Variants in TLK2 observed in about 807,000 individuals in gnomAD.
The protein encoded by TLK2 is tousled like kinase 2, also known as serine/threonine-protein kinase tousled-like 2.
A neutral mutation model predicts 117.3 loss-of-function variants in TLK2; 6 were observed. The ratio of observed to expected loss-of-function variants is 0.05; its 90% confidence interval spans 0.03 to 0.10. The LOEUF is 0.10. Among genes scored for constraint, TLK2 ranks in the 10% least tolerant of loss-of-function variants. TLK2 has a pLI of 1.00. For missense variants in TLK2, 299 were observed against 901.2 expected (o/e 0.33, Z 8.56); for synonymous variants, 257 against 316.7 (o/e 0.81, Z 2.00).
At chr17:62,600,090 G>A (rs779635030) in intron 17 of TLK2, among the ~76,000 whole-genome samples, 2 of 152,212 alleles carry the variant, frequency 1.3e-5, no homozygotes, top group Non-Finnish European at 2.9e-5. Context: ...AGAAGACGTA[G>A]TATGCAGTCA....
chr17:62,496,590 A>G (rs2073710641), intron 2 of TLK2, among the ~76,000 whole-genome samples: 3 of 152,122 alleles, frequency 2.0e-5, no homozygotes, highest in African/African-American at 7.2e-5. Flanking sequence ...ATAGGTAAAT[A>G]TTTGTGTGTG....
At chr17:62,480,806 C>G (rs1367603610) in intron 1 of TLK2, among the ~76,000 whole-genome samples, 1 of 152,120 alleles carries the variant, frequency 6.6e-6, no homozygotes, top group Non-Finnish European at 1.5e-5. Flanking sequence ...TTGTTTTGTT[C>G]TTTCCCCTGT....
At chr17:62,578,437 T>A (rs749523780) in intron 13 of TLK2, 40 bp from the exon 14 acceptor site, 4 of 1,530,446 alleles carry the variant, frequency 2.6e-6, no homozygotes, top group Admixed American at 3.4e-5. Context: ...AAAGGTAAAG[T>A]TCCCCCTATT....
intron 12 of TLK2, among the ~76,000 whole-genome samples, chr17:62,575,581 T>G (rs1326965626): frequency 6.6e-6 from 1 of 152,218 alleles, no homozygotes; most frequent in Non-Finnish European, 1.5e-5. Context: ...ATTAAATATC[T>G]ATATGCTTCT....
chr17:62,598,424 C>G (rs2082635995), intron 17 of TLK2, among the ~76,000 whole-genome samples: 1 of 152,098 alleles, frequency 6.6e-6, no homozygotes, highest in Admixed American at 6.5e-5. Flanking sequence ...TGAATTTTCA[C>G]CAAAAATAAG....
chr17:62,612,159 C>T (rs1383114462), intron 21 of TLK2: 3 of 423,724 alleles, frequency 7.1e-6, no homozygotes, highest in Non-Finnish European at 8.3e-6. Context: ...TCAGTAATGG[C>T]TCAGCCCTTT....
At chr17:62,592,463 G>A (rs1018823979) in intron 16 of TLK2, among the ~76,000 whole-genome samples, 2 of 152,120 alleles carry the variant, frequency 1.3e-5, no homozygotes, top group African/African-American at 4.8e-5. Flanking sequence ...GAAATGTATC[G>A]TTAGGTGATT....
At chr17:62,569,086 C>T (rs2080051323) in intron 11 of TLK2, among the ~76,000 whole-genome samples, 1 of 151,576 alleles carries the variant, frequency 6.6e-6, no homozygotes, top group Non-Finnish European at 1.5e-5. Flanking sequence ...GGGTGCATAT[C>T]CTGAGGTCAG....
At chr17:62,553,354 CAA>C (rs2078619717) in intron 8 of TLK2, 1 of 236,108 alleles carries the variant, frequency 4.2e-6, no homozygotes, top group East Asian at 1.2e-4. Flanking sequence ...CTTTTCTATT[CAA>C]AGTTAGTTTC....
chr17:62,491,098 T>A (rs1325862610), intron 2 of TLK2, among the ~76,000 whole-genome samples: 2 of 152,154 alleles, frequency 1.3e-5, no homozygotes. Context: ...CAGAAGTAAT[T>A]CTTTATTTCA....
chr17:62,546,162 A>G (rs1481361694), intron 7 of TLK2, among the ~76,000 whole-genome samples: 1 of 151,848 alleles, frequency 6.6e-6, no homozygotes, highest in Non-Finnish European at 1.5e-5. Flanking sequence ...GATTACAGTC[A>G]TGAGCCACCA....
chr17:62,588,530 G>A (rs1362965974), intron 16 of TLK2, among the ~76,000 whole-genome samples: 1 of 152,210 alleles, frequency 6.6e-6, no homozygotes, highest in Non-Finnish European at 1.5e-5. Context: ...CCTCATCAGA[G>A]GAGGGATCAT....
intron 7 of TLK2, among the ~76,000 whole-genome samples, chr17:62,545,768 T>C (rs958720789): frequency 2.0e-5 from 3 of 152,084 alleles, no homozygotes; most frequent in African/African-American, 7.2e-5. Flanking sequence ...AGTGGCCTAA[T>C]TGTGGCTCAC....
intron 6 of TLK2, among the ~76,000 whole-genome samples, chr17:62,525,889 A>G (rs2076338935): frequency 6.6e-6 from 1 of 152,234 alleles, no homozygotes; most frequent in African/African-American, 2.4e-5. Context: ...AAAGTCTAAA[A>G]GATATTAAAT....
intron 2 of TLK2, among the ~76,000 whole-genome samples, chr17:62,498,605 G>C (rs1165300582): frequency 2.0e-5 from 3 of 152,076 alleles, no homozygotes; most frequent in Non-Finnish European, 4.4e-5. Flanking sequence ...TGCCCAGGCT[G>C]GTCTCGAACT....
chr17:62,606,355 G>C (rs1385326542), intron 20 of TLK2, 114 bp downstream of exon 20: 1 of 512,642 alleles, frequency 2.0e-6, no homozygotes, highest in Non-Finnish European at 3.3e-6. Context: ...ATACAAAATA[G>C]AATCCTGAAA....
chr17:62,536,752 A>G (rs2077139742), intron 7 of TLK2, among the ~76,000 whole-genome samples: 1 of 152,208 alleles, frequency 6.6e-6, no homozygotes, highest in Non-Finnish European at 1.5e-5. Context: ...AGGCATTCTC[A>G]CAGCAAGTTA....
rs201939423 is a variant in TLK2, at chr17:62,545,692, C to CTTG, written c.532-6589_532-6587dup. On this transcript the variant is annotated intron_variant, in intron 7 of 21. Transcript: ENST00000346027. The stretch of plus-strand genomic sequence containing the variant: ...CATTTTTTAGGTTAACAAAGTTCCT[C>CTTG]TTGTTGTTGTTGTTGTTGTTGTTTA... Among the ~76,000 whole-genome samples the CTTG allele has an allele frequency of 6.5e-3, 989 of 152,024 alleles. 10 individuals carry two copies. Among genetic ancestry groups the CTTG allele is most frequent in the African/African-American group, 0.019 (778 of 41,490 alleles).
At chr17:62,582,408 A>G (rs956820575) in intron 15 of TLK2, among the ~76,000 whole-genome samples, 1 of 151,940 alleles carries the variant, frequency 6.6e-6, no homozygotes, top group African/African-American at 2.4e-5. Flanking sequence ...CATCTTAGTT[A>G]CTTCTCTGTT....
Sources: gnomAD v4.1 joint callset for allele counts (sites outside exome capture counted in the v4.1 genomes callset) on GRCh38, gnomAD v4.1.1 for gene constraint, MANE v1.5 for transcripts, NCBI Gene and HGNC (gene_info 2026-07-23, HGNC 2026-07-21) for gene names.